LYST: variants seen among roughly 807,000 people sequenced by gnomAD.
LYST encodes lysosomal-trafficking regulator.
A neutral mutation model predicts 413.6 loss-of-function variants in LYST; 192 were observed. The observed-to-expected ratio is 0.46, with a 90% CI of 0.41 to 0.52. The LOEUF (loss-of-function observed/expected upper bound fraction) is 0.52, where lower values mean the gene tolerates loss of function less well. Ranked by LOEUF, LYST falls within the 20% of genes least tolerant of loss-of-function variation. The probability of loss-of-function intolerance (pLI) is 0.00; values close to 1 mark genes in which losing one functional copy is unlikely to be tolerated. For missense variants in LYST, 3,815 were observed against 4,499.9 expected, an observed-to-expected ratio of 0.85 and a Z score of 4.35; for synonymous variants, 1,525 against 1,567.3, an observed-to-expected ratio of 0.97 and a Z score of 0.64.
chr1:235,669,904 GA>G (rs1658793835), intron 50 of LYST, among the ~76,000 whole-genome samples: 1 of 152,182 alleles, frequency 6.6e-6, no homozygotes, highest in African/African-American at 2.4e-5. Context: ...GTGACACTGG[GA>G]GCAGAGTGGG....
intron 50 of LYST, among the ~76,000 whole-genome samples, chr1:235,667,296 A>G (rs926062179): frequency 6.6e-6 from 1 of 152,222 alleles, no homozygotes; most frequent in Non-Finnish European, 1.5e-5. Flanking sequence ...ACAGAGGACC[A>G]GGCTATGGAT....
Position 235,777,104 on chromosome 1 carries a change from C to T in LYST, c.5419G>A (p.Glu1807Lys), listed in dbSNP as rs143706691. The change falls in exon 17 of 53, where the codon GAA (glutamate) becomes AAA (lysine). Residue 1807 changes from glutamate (E) to lysine (K), a missense_variant. Physicochemically the swap from Glu to Lys is moderately conservative, Grantham distance 56. This residue lies in a region of LYST where 530 missense variants were observed against 696.5 expected (regional missense o/e 0.76). Transcript: ENST00000389793. The part of the protein sequence containing the change: ...EYKTIQGILH[E>K]IGGTGIFVFL... ...ACAAATATGCCAGTTCCACCAATTTCGTGCAGAATGCCTTGAATAGTTTTA... is the reference window on the plus strand; with the variant it reads ...ACAAATATGCCAGTTCCACCAATTTTGTGCAGAATGCCTTGAATAGTTTTA... 11 of 1,613,218 alleles carry T rather than the reference C, an allele frequency of 6.8e-6. No individual in the cohort carries two copies. Among genetic ancestry groups the T allele is most frequent in the African/African-American group, 5.3e-5 (4 of 74,906 alleles).
rs766815117 is a variant in LYST, at chr1:235,805,974, A to G, written c.3162T>C (p.Ser1054=). ...CTAAACTGTCAGCACTCTTTTTTAG[A>G]CTACCTAGTTCTGATGGTATGGGGT... The part of the protein sequence containing the change: ...KSDPIPSELG[S]LKKSADSLGK... Residue 1054 remains serine, a synonymous_variant, in exon 6 of 53, where the codon AGT becomes AGC. Coordinates refer to ENST00000389793, the MANE Select transcript of LYST (RefSeq NM_000081.4). The G allele has an allele frequency of 8.1e-6, 13 of 1,613,600 alleles. No individual in the cohort carries two copies.
At position 235,862,575 on chromosome 1, in the gene LYST, C is replaced by G. The variant is rs553877436; in HGVS notation, c.-98+4268G>C. Among the ~76,000 whole-genome samples, 5 of 152,024 alleles carry G rather than the reference C, an allele frequency of 3.3e-5. No individual in the cohort carries two copies. In the South Asian group the frequency reaches 1.0e-3, roughly 32 times the overall value. On this transcript the variant is annotated intron_variant, in intron 1 of 52. Transcript: ENST00000389793. ...CTTTGGGAGGCCAAGATGGGCAGAT[C>G]ACTTGAGGTCAGCAGTTCGAGACCA...
At chr1:235,812,054 CAAGA>C (rs1000060111) in intron 4 of LYST, among the ~76,000 whole-genome samples, 7 of 151,748 alleles carry the variant, frequency 4.6e-5, no homozygotes, top group African/African-American at 1.7e-4. Context: ...AAACATGTCA[CAAGA>C]AAGGGTCAAG....
In LYST at chr1:235,806,738, C is replaced by A; in HGVS notation, c.2398G>T (p.Val800Leu). The A allele has an allele frequency of 6.2e-7, 1 of 1,612,992 alleles. No homozygotes were observed. Among genetic ancestry groups the A allele is most frequent in the Non-Finnish European group, 8.5e-7 (1 of 1,179,166 alleles). The change falls in exon 6 of 53, where the codon GTA becomes TTA. Residue 800 changes from valine to leucine, a missense_variant. By Grantham distance (32) the Val-to-Leu change is conservative. This residue lies in a region of LYST where 1,648 missense variants were observed against 1,810.3 expected (regional missense o/e 0.91). Transcript: ENST00000389793. ...IRDLFLSCNG[V>L]SQIIELNCLN... Reference sequence around the variant, plus strand: ...CAATTTAATTCGATTATTTGACTTACTCCATTACAACTCAAAAACAAATCT... The same window carrying A: ...CAATTTAATTCGATTATTTGACTTAATCCATTACAACTCAAAAACAAATCT...
chr1:235,738,562 G>A, intron 31 of LYST: 1 of 1,610,930 alleles, frequency 6.2e-7, no homozygotes, highest in Non-Finnish European at 8.5e-7. Context: ...TGTCATGGGT[G>A]AGTCCTTGGG....
At chr1:235,715,088 T>C (rs1662717386) in intron 42 of LYST, 113 bp downstream of exon 42, 8 of 981,312 alleles carry the variant, frequency 8.2e-6, no homozygotes, top group Non-Finnish European at 1.3e-5. Context: ...TTCTTTTTCC[T>C]GTAGTTTGAT....
rs925201454 is a variant in LYST, at chr1:235,661,998, T to G, written c.*942A>C. 9 of 152,244 alleles carry G rather than the reference T, an allele frequency of 5.9e-5. No homozygotes were observed. Among genetic ancestry groups the G allele is most frequent in the African/African-American group, 2.2e-4 (9 of 41,476 alleles). 9.4% of individuals were successfully genotyped at this position (152,244 alleles called of 1,614,324 possible). A position where few individuals can be genotyped will look rare whatever the true frequency, so the allele number is the denominator to read the frequency against. ...TCTGCCTCCTGTTTAAAGTAAGCTTTTATAATTCTGTTTTGGGGAAGAAAA... is the reference window on the plus strand; with the variant it reads ...TCTGCCTCCTGTTTAAAGTAAGCTTGTATAATTCTGTTTTGGGGAAGAAAA... On this transcript the variant is annotated 3_prime_UTR_variant, in exon 53 of 53. Transcript: ENST00000389793.
chr1:235,846,339 G>T (rs1677865464), intron 1 of LYST, among the ~76,000 whole-genome samples: 1 of 152,102 alleles, frequency 6.6e-6, no homozygotes, highest in Non-Finnish European at 1.5e-5. Flanking sequence ...ACTACATCAA[G>T]GGAACACCCC....
At chr1:235,758,435 C>T (rs1239963535) in intron 23 of LYST, among the ~76,000 whole-genome samples, 4 of 152,234 alleles carry the variant, frequency 2.6e-5, no homozygotes, top group Non-Finnish European at 5.9e-5. Flanking sequence ...TAGCTTTCTT[C>T]TGACTTCATC....
chr1:235,791,579 G>C (rs1481242852), intron 12 of LYST, 120 bp downstream of exon 12: 1 of 823,198 alleles, frequency 1.2e-6, no homozygotes, highest in Non-Finnish European at 2.1e-6. Flanking sequence ...ACTAAGTAAG[G>C]CATTTAAGGT....
upstream of LYST, among the ~76,000 whole-genome samples, chr1:235,867,790 T>G (rs1215792280): frequency 3.3e-5 from 5 of 152,238 alleles, no homozygotes; most frequent in Admixed American, 1.3e-4. Flanking sequence ...AAGCCTGAAC[T>G]GTAATCGTTC....
intron 41 of LYST, among the ~76,000 whole-genome samples, chr1:235,716,008 T>C (rs917562557): frequency 6.6e-6 from 1 of 152,160 alleles, no homozygotes; most frequent in African/African-American, 2.4e-5. Flanking sequence ...AAGTCAGGTA[T>C]AGTGAATTTT....
intron 45 of LYST, among the ~76,000 whole-genome samples, chr1:235,698,907 A>T (rs962585057): frequency 7.2e-5 from 11 of 151,940 alleles, no homozygotes; most frequent in Non-Finnish European, 1.6e-4. Flanking sequence ...AAAATCAACA[A>T]ATAAAGTTGA....
Position 235,674,164 on chromosome 1 carries a change from C to A in LYST, c.11038+2927G>T, listed in dbSNP as rs984505701. 6.6e-6 allele frequency among the ~76,000 whole-genome samples: 1 copy of A among 152,080 alleles called. No individual in the cohort carries two copies. Among genetic ancestry groups the A allele is most frequent in the Non-Finnish European group, 1.5e-5 (1 of 68,020 alleles). ...TGTCAATTTTACCTTGTGTCTCTCA[C>A]GACAGGGGGAATATTTGGCATTCCT... is the stretch of plus-strand genomic sequence containing the variant. On this transcript the variant is annotated intron_variant, in intron 50 of 52. Transcript: ENST00000389793. This position sits in a 1 kb window ranked among gnomAD's most constrained non-coding sequence, Gnocchi z 4.1.
chr1:235,766,324 T>G, intron 20 of LYST, 47 bp from the exon 21 acceptor site: 1 of 1,426,556 alleles, frequency 7.0e-7, no homozygotes, highest in Non-Finnish European at 9.7e-7. Flanking sequence ...AATTGTCAAC[T>G]TAACTAAGAT....
intron 42 of LYST, chr1:235,712,857 C>G (rs1016306850): frequency 1.0e-6 from 1 of 984,974 alleles, no homozygotes; most frequent in African/African-American, 1.7e-5. Flanking sequence ...TAAGTTTGGA[C>G]TCTCTTTTCT....
chr1:235,691,977 C>A (rs1361606103), intron 47 of LYST, among the ~76,000 whole-genome samples: 1 of 150,410 alleles, frequency 6.6e-6, no homozygotes, highest in Non-Finnish European at 1.5e-5. Context: ...GGATTACAGG[C>A]GTGAGCCACC....
Sources: allele counts gnomAD v4.1 joint callset (sites outside exome capture counted in the v4.1 genomes callset), GRCh38; gene constraint gnomAD v4.1.1; regional missense constraint gnomAD v4.1.1; non-coding constraint Gnocchi (gnomAD v3.1); transcripts MANE v1.5; gene names NCBI Gene and HGNC (gene_info 2026-07-23, HGNC 2026-07-21).